Variants in ABCA5 observed in about 807,000 individuals in gnomAD.
ABCA5 encodes cholesterol transporter ABCA5.
ABCA5 carries 163 observed loss-of-function variants against 206.0 expected under a neutral mutation model. That is an observed-to-expected ratio of 0.79 (90% CI 0.70 to 0.90). ABCA5 has a LOEUF of 0.90. ABCA5 is among the 40% of genes least tolerant of loss of function. The probability of loss-of-function intolerance (pLI) is 0.00; values close to 1 mark genes in which losing one functional copy is unlikely to be tolerated. For missense variants in ABCA5, 1,859 were observed against 1,912.9 expected (o/e 0.97, Z 0.53); for synonymous variants, 609 against 613.8 (o/e 0.99, Z 0.11).
chr17:69,308,326 G>A lies in ABCA5; in HGVS notation c.512C>T (p.Ser171Leu). 1 of 1,611,946 alleles carries A rather than the reference G, an allele frequency of 6.2e-7. No homozygotes were observed. Among genetic ancestry groups the A allele is most frequent in the Non-Finnish European group, 8.5e-7 (1 of 1,178,530 alleles). Residue 171 changes from serine (S) to leucine (L), a missense_variant, in exon 5 of 39, where the codon TCA becomes TTA. Transcript: ENST00000392676. ...GGATGCTTGTAAAACTGTGAAACCT[G>A]AGGACCAGTACTGAGCAGCCTCACA... The part of the protein sequence containing the change: ...KSCEAAQYWS[S>L]GFTVLQASID...
At chr17:69,280,239 T>G (rs1326702722) in intron 18 of ABCA5, among the ~76,000 whole-genome samples, 3 of 152,154 alleles carry the variant, frequency 2.0e-5, no homozygotes, top group Non-Finnish European at 4.4e-5. Flanking sequence ...AAACAGACAC[T>G]TCTCAAAAGA....
At chr17:69,303,584 T>C (rs1039616904) in intron 7 of ABCA5, among the ~76,000 whole-genome samples, 3 of 145,550 alleles carry the variant, frequency 2.1e-5, no homozygotes, top group Non-Finnish European at 4.5e-5. Flanking sequence ...ACCCATATTT[T>C]AAACTTAATT....
intron 13 of ABCA5, among the ~76,000 whole-genome samples, 181 bp from the exon 14 acceptor site, chr17:69,289,477 T>C (rs1258604886): frequency 6.6e-6 from 1 of 152,178 alleles, no homozygotes; most frequent in East Asian, 1.9e-4. Context: ...CTTTGACATA[T>C]ACTCATATAT....
chr17:69,274,017 T>C lies in ABCA5; in HGVS notation c.2706A>G (p.Leu902=), dbSNP rs139014381. Residue 902 remains leucine, a synonymous_variant, in exon 20 of 39, where the codon CTA becomes CTG. Coordinates refer to ENST00000392676, the MANE Select transcript of ABCA5 (RefSeq NM_172232.4). ...ATTTATGTGGTTTGTCTCCAGGTTT[T>C]AGAAAATATAAGTCTGGAACAAGTT... ...PIKLVPDLYF[L]KPGDKPHKYK... The C allele has an allele frequency of 5.1e-5, 82 of 1,611,084 alleles. No individual in the cohort carries two copies. Among genetic ancestry groups the C allele is most frequent in the Non-Finnish European group, 6.8e-5 (80 of 1,179,174 alleles).
intron 28 of ABCA5, among the ~76,000 whole-genome samples, chr17:69,257,995 A>T (rs2075102495): frequency 6.6e-6 from 1 of 152,122 alleles, no homozygotes; most frequent in Non-Finnish European, 1.5e-5. Context: ...AAGATTATTT[A>T]CTGAGAAGTA....
chr17:69,309,206 C>A lies in ABCA5; in HGVS notation c.469+56G>T, dbSNP rs2075746742. 14 of 1,376,748 alleles carry A rather than the reference C, an allele frequency of 1.0e-5. No individual in the cohort carries two copies. The Middle Eastern group carries it at 6.0e-4, about 59-fold the overall frequency. 85.3% of individuals were successfully genotyped at this position (1,376,748 alleles called of 1,614,324 possible). Reference sequence around the variant, plus strand: ...TATATAAAATTTTGACTATGAACTGCAAGCAGCAAAGATATGCATTTAATT... The same window carrying A: ...TATATAAAATTTTGACTATGAACTGAAAGCAGCAAAGATATGCATTTAATT... On this transcript the variant is annotated intron_variant, in intron 4 of 38. Transcript: ENST00000392676.
chr17:69,277,236 C>G (rs78912901), intron 19 of ABCA5, among the ~76,000 whole-genome samples: 2,343 of 152,024 alleles, frequency 0.015, 50 homozygotes, highest in African/African-American at 0.054. Context: ...GTTATAAAAA[C>G]TAACTAATAG....
intron 37 of ABCA5, chr17:69,249,443 T>G (rs2144885373): frequency 6.4e-6 from 1 of 155,178 alleles, no homozygotes; most frequent in Non-Finnish European, 1.4e-5. Context: ...CACTCAGAAT[T>G]CTCTTTGCCA....
intron 18 of ABCA5, among the ~76,000 whole-genome samples, chr17:69,283,466 C>T (rs561778072): frequency 1.3e-5 from 2 of 152,308 alleles, no homozygotes; most frequent in African/African-American, 4.8e-5. Flanking sequence ...ATAGCTTCCA[C>T]ACTACAATAG....
intron 13 of ABCA5, among the ~76,000 whole-genome samples, chr17:69,289,510 A>G (rs924371915): frequency 2.2e-4 from 33 of 151,494 alleles, no homozygotes; most frequent in African/African-American, 8.1e-4. Context: ...AACAGGTAAC[A>G]AGATTCTTGA....
chr17:69,285,852 T>C (rs1368685339), intron 17 of ABCA5, 46 bp downstream of exon 17: 1 of 1,558,116 alleles, frequency 6.4e-7, no homozygotes, highest in South Asian at 1.2e-5. Context: ...CTATTCCCAA[T>C]ATAGGATCCC....
intron 23 of ABCA5, among the ~76,000 whole-genome samples, 168 bp downstream of exon 23, chr17:69,267,775 A>T (rs1307337701): frequency 6.6e-6 from 1 of 152,148 alleles, no homozygotes; most frequent in Non-Finnish European, 1.5e-5. Context: ...CTCAAATAAT[A>T]AATATTAATT....
rs1321148097 is a variant in ABCA5, at chr17:69,303,857, T to TACAC, written c.930+811_930+812insGTGT. Among the ~76,000 whole-genome samples the TACAC allele has an allele frequency of 2.5e-3, 116 of 47,322 alleles. 33 individuals carry two copies. The East Asian group carries it at 0.026, about 11-fold the overall frequency. 31.0% of individuals were successfully genotyped at this position (47,322 alleles called of 152,430 possible). A position where few individuals can be genotyped will look rare whatever the true frequency, so the allele number is the denominator to read the frequency against. On this transcript the variant is annotated intron_variant, in intron 7 of 38. Coordinates refer to ENST00000392676, the MANE Select transcript of ABCA5 (RefSeq NM_172232.4). ...ATATATATACATACATATATATATG[T>TACAC]ATATATATATATACATATATACATA...
At chr17:69,294,238 A>G (rs886418558) in intron 11 of ABCA5, among the ~76,000 whole-genome samples, 2 of 150,164 alleles carry the variant, frequency 1.3e-5, no homozygotes, top group African/African-American at 5.1e-5. Context: ...AAAGCAAGAC[A>G]GGGGCTGGGC....
intron 1 of ABCA5, among the ~76,000 whole-genome samples, chr17:69,317,399 C>CAAAAAA (rs1168274624): frequency 6.7e-5 from 5 of 74,580 alleles, no homozygotes; most frequent in South Asian, 1.1e-3. Flanking sequence ...GACTCTGTCT[C>CAAAAAA]AAAAAAAAAA....
At chr17:69,273,825 G>T in intron 20 of ABCA5, 134 bp downstream of exon 20, 1 of 833,796 alleles carries the variant, frequency 1.2e-6, no homozygotes, top group Non-Finnish European at 1.8e-6. Context: ...GATACGTATT[G>T]AACTATAATT....
At chr17:69,273,842 TC>T in intron 20 of ABCA5, 116 bp downstream of exon 20, 1 of 945,846 alleles carries the variant, frequency 1.1e-6, no homozygotes, top group Non-Finnish European at 1.5e-6. Context: ...AATTTAGATT[TC>T]ATGCAGACAG....
chr17:69,319,902 AC>A (rs1478821800), intron 1 of ABCA5, among the ~76,000 whole-genome samples: 1 of 152,214 alleles, frequency 6.6e-6, no homozygotes, highest in Non-Finnish European at 1.5e-5. Flanking sequence ...TAAGAGTATG[AC>A]CTCTGAAGCC....
intron 35 of ABCA5, chr17:69,251,141 T>C (rs1300319161): frequency 6.5e-6 from 1 of 152,994 alleles, no homozygotes; most frequent in Non-Finnish European, 1.5e-5. Context: ...TACACAGCTG[T>C]AGTACTTTTT....
Sources: allele counts gnomAD v4.1 joint callset (sites outside exome capture counted in the v4.1 genomes callset), GRCh38; gene constraint gnomAD v4.1.1; transcripts MANE v1.5; gene names NCBI Gene and HGNC (gene_info 2026-07-23, HGNC 2026-07-21).